ARHGEF16: variants seen among roughly 807,000 people sequenced by gnomAD.
ARHGEF16 encodes the protein Rho guanine exchange factor (GEF) 16.
A neutral mutation model predicts 74.1 loss-of-function variants in ARHGEF16; 59 were observed. The observed-to-expected ratio is 0.80, with a 90% CI of 0.65 to 0.99. The LOEUF is 0.99. Ranked by LOEUF, ARHGEF16 falls within the 50% of genes least tolerant of loss-of-function variation. The pLI, the probability that ARHGEF16 is intolerant of heterozygous loss-of-function variation, is 0.00. For missense variants in ARHGEF16, 948 were observed against 986.6 expected (o/e 0.96, Z 0.52); for synonymous variants, 415 against 412.6 (o/e 1.01, Z -0.07).
At chr1:3,461,157 T>C (rs1639383412) in intron 1 of ARHGEF16, among the ~76,000 whole-genome samples, 1 of 152,094 alleles carries the variant, frequency 6.6e-6, no homozygotes, top group South Asian at 2.1e-4. Context: ...TACTGAGTGG[T>C]GGTGGTTATT....
At chr1:3,477,835 C>A in intron 10 of ARHGEF16, 40 bp from the exon 11 acceptor site, 2 of 1,606,112 alleles carry the variant, frequency 1.2e-6, no homozygotes, top group South Asian at 2.2e-5. Flanking sequence ...CCCCCCCAGT[C>A]CCTCGCACTG....
At chr1:3,466,046 G>C in intron 2 of ARHGEF16, 102 bp from the exon 3 acceptor site, 1 of 1,298,428 alleles carries the variant, frequency 7.7e-7, no homozygotes, top group African/African-American at 1.5e-5. Flanking sequence ...GCACAGCTTC[G>C]CATGTGGAGC....
chr1:3,466,908 T>A (rs929885219), intron 3 of ARHGEF16: 6 of 408,174 alleles, frequency 1.5e-5, no homozygotes, highest in African/African-American at 4.0e-5. Flanking sequence ...ATGCCCCACG[T>A]CTCAGGGTAA....
intron 6 of ARHGEF16, 170 bp from the exon 7 acceptor site, chr1:3,472,908 G>A: frequency 6.6e-5 from 12 of 182,676 alleles, no homozygotes; most frequent in South Asian, 2.9e-4. Flanking sequence ...CAGCATCCCA[G>A]GTCCGGGTCC....
intron 10 of ARHGEF16, among the ~76,000 whole-genome samples, chr1:3,476,389 G>A (rs2100757243): frequency 6.6e-6 from 1 of 152,312 alleles, no homozygotes; most frequent in East Asian, 1.9e-4. Flanking sequence ...GAGTGGCCCT[G>A]TCAGTGCACT....
intron 5 of ARHGEF16, 139 bp from the exon 6 acceptor site, chr1:3,469,294 C>T (rs1197351187): frequency 3.0e-6 from 3 of 999,916 alleles, no homozygotes; most frequent in African/African-American, 1.6e-5. Context: ...TCTGACAGCC[C>T]CATCCAGGGG....
At chr1:3,459,119 C>G (rs1368442617) in intron 1 of ARHGEF16, among the ~76,000 whole-genome samples, 8 of 152,188 alleles carry the variant, frequency 5.3e-5, no homozygotes, top group African/African-American at 1.4e-4. Context: ...CAGTGCCTGG[C>G]TCAGTGGACT....
intron 1 of ARHGEF16, among the ~76,000 whole-genome samples, chr1:3,460,154 C>T (rs1639358111): frequency 6.6e-6 from 1 of 152,240 alleles, no homozygotes; most frequent in South Asian, 2.1e-4. Flanking sequence ...CCCTCAGGCT[C>T]TCTGTTAGGC....
chr1:3,476,362 A>G (rs569899111), intron 10 of ARHGEF16, among the ~76,000 whole-genome samples: 1 of 152,268 alleles, frequency 6.6e-6, no homozygotes, highest in South Asian at 2.1e-4. Flanking sequence ...TGAGTGACCA[A>G]GCCCAGGGGG....
chr1:3,476,010 G>T lies in ARHGEF16; in HGVS notation c.1421G>T (p.Arg474Leu), dbSNP rs147480195. Residue 474 changes from arginine (R) to leucine (L), a missense_variant, in exon 10 of 15, where the codon CGC becomes CTC. Arg to Leu is a moderately radical substitution (Grantham distance 102). Transcript: ENST00000378378. ...AACGAGGGGGCCCACAGGATGGAGC[G>T]CATGGAGCAGATGTACACGCTGCAC... ...QCNEGAHRME[R>L]MEQMYTLHTQ... The T allele has an allele frequency of 3.9e-6, 6 of 1,557,408 alleles. No individual in the cohort carries two copies. Among genetic ancestry groups the T allele is most frequent in the Non-Finnish European group, 3.5e-6 (4 of 1,150,688 alleles).
chr1:3,470,451 GTGTGTGCGCGGGTGTGTGCATGGA>G (rs1178045144), intron 6 of ARHGEF16, among the ~76,000 whole-genome samples: 2 of 150,800 alleles, frequency 1.3e-5, no homozygotes, highest in African/African-American at 4.9e-5. Flanking sequence ...ATGCATGGTT[GTGTGTGCGCGGGTGTGTGCATGGA>G]TGTGTGTGCA....
At chr1:3,455,513 G>C (rs1022011455) in intron 1 of ARHGEF16, among the ~76,000 whole-genome samples, 4 of 152,164 alleles carry the variant, frequency 2.6e-5, no homozygotes, top group African/African-American at 4.8e-5. Context: ...CTGTGAAATG[G>C]GAACAGTATC....
chr1:3,476,964 GCCTGCC>G (rs1436913853), intron 10 of ARHGEF16, among the ~76,000 whole-genome samples: 1 of 152,032 alleles, frequency 6.6e-6, no homozygotes, highest in Non-Finnish European at 1.5e-5. Flanking sequence ...GGGGTGTAAC[GCCTGCC>G]CCTGCCAGAG....
intron 1 of ARHGEF16, among the ~76,000 whole-genome samples, chr1:3,462,828 C>G (rs1297709924): frequency 6.6e-6 from 1 of 152,228 alleles, no homozygotes; most frequent in Non-Finnish European, 1.5e-5. Context: ...AGAACCAGCG[C>G]CTGCCCAGTC....
rs535426053 is a variant in ARHGEF16, at chr1:3,472,584, G to A, written c.1023-494G>A. Among the ~76,000 whole-genome samples the A allele has an allele frequency of 1.2e-3, 178 of 152,274 alleles. 1 individual carries two copies. Among genetic ancestry groups the A allele is most frequent in the African/African-American group, 4.0e-3 (168 of 41,556 alleles). On this transcript the variant is annotated intron_variant, in intron 6 of 14. Coordinates refer to ENST00000378378, the MANE Select transcript of ARHGEF16 (RefSeq NM_014448.4). ...CTTGGAAGGGGTGGCCCCAGGCATC[G>A]CCCCTCTTTGCTCTTGTGCCTGTCC...
intron 6 of ARHGEF16, among the ~76,000 whole-genome samples, chr1:3,472,184 G>A (rs981406846): frequency 2.6e-5 from 4 of 152,254 alleles, no homozygotes; most frequent in Non-Finnish European, 5.9e-5. Context: ...GTGGTCTCGG[G>A]TTGGGTGCTC....
At chr1:3,458,100 T>C (rs1285176381) in intron 1 of ARHGEF16, among the ~76,000 whole-genome samples, 1 of 152,184 alleles carries the variant, frequency 6.6e-6, no homozygotes, top group African/African-American at 2.4e-5. Context: ...ATCAAGGTAC[T>C]AGGAGACCAG....
In ARHGEF16 at chr1:3,463,659, C is replaced by T. The variant is rs865831098; in HGVS notation, c.575C>T (p.Pro192Leu). ...CCCAGCCAGCCTCATACTCGGAGCC[C>T]GGCCAAAAACAAGGTAGGGGCCTGC... ...EEPSQPHTRS[P>L]AKNKKTLGRK... Residue 192 changes from proline to leucine, a missense_variant, in exon 2 of 15, where the codon CCG (proline) becomes CTG (leucine). By Grantham distance (98) the Pro-to-Leu change is moderately conservative (BLOSUM62 -3). Transcript: ENST00000378378. 7.1e-6 allele frequency: 10 copies of T among 1,409,944 alleles called. No individual in the cohort carries two copies. Among genetic ancestry groups the T allele is most frequent in the Admixed American group, 2.9e-5 (1 of 34,036 alleles). The allele number at this position is 1,409,944 out of a possible 1,614,324, so 87.3% of individuals were successfully genotyped here. A position where few individuals can be genotyped will look rare whatever the true frequency, so the allele number is the denominator to read the frequency against.
rs200354446 is a variant in ARHGEF16, at chr1:3,477,831, C to G, written c.1474-44C>G. 545 of 1,601,646 alleles carry G rather than the reference C, an allele frequency of 3.4e-4. 2 individuals are homozygous for G. In the African/African-American group the frequency reaches 4.3e-3, roughly 13 times the overall value. On this transcript the variant is annotated intron_variant, in intron 10 of 14. Transcript: ENST00000378378. ...CTGCTCACCCCGGCTCTGTCCCCCC[C>G]AGTCCCTCGCACTGATCTCCGCCTC...
Sources: allele counts gnomAD v4.1 joint callset (sites outside exome capture counted in the v4.1 genomes callset), GRCh38; gene constraint gnomAD v4.1.1; transcripts MANE v1.5; gene names NCBI Gene and HGNC (gene_info 2026-07-23, HGNC 2026-07-21).